The following CRPPA variants were observed in gnomAD, a reference collection of about 807,000 sequenced individuals.
The protein encoded by CRPPA is D-ribitol-5-phosphate cytidylyltransferase.
CRPPA carries 43 observed loss-of-function variants against 52.0 expected under a neutral mutation model. The ratio of observed to expected loss-of-function variants is 0.83; its 90% CI spans 0.65 to 1.07. The LOEUF (loss-of-function observed/expected upper bound fraction) is 1.07. Ranked by LOEUF, CRPPA falls within the 50% of genes least tolerant of loss-of-function variation. The pLI is 0.00. For missense variants in CRPPA, 629 were observed against 551.7 expected, an observed-to-expected ratio of 1.14 and a Z score of -1.40; for synonymous variants, 250 against 203.5, an observed-to-expected ratio of 1.23 and a Z score of -1.94.
At chr7:16,189,976 A>C (rs80010291) in intron 9 of CRPPA, among the ~76,000 whole-genome samples, 1,626 of 152,294 alleles carry the variant, frequency 0.011, 12 homozygotes, top group Middle Eastern at 0.031. Context: ...AAAAAATCCA[A>C]TATTAGATAA....
At chr7:16,369,134 G>C (rs1469030151) in intron 3 of CRPPA, among the ~76,000 whole-genome samples, 1 of 152,154 alleles carries the variant, frequency 6.6e-6, no homozygotes, top group Non-Finnish European at 1.5e-5. Flanking sequence ...GTAGAAGGAA[G>C]GGCTTTATTC....
At chr7:16,232,979 A>G (rs1583451992) in intron 8 of CRPPA, among the ~76,000 whole-genome samples, 1 of 152,162 alleles carries the variant, frequency 6.6e-6, no homozygotes, top group Non-Finnish European at 1.5e-5. Context: ...AAGACTGAAC[A>G]TATTAAGCAC....
chr7:16,170,683 G>A (rs140167125), intron 9 of CRPPA, among the ~76,000 whole-genome samples: 92 of 152,280 alleles, frequency 6.0e-4, no homozygotes, highest in Non-Finnish European at 9.0e-4. Context: ...GAGCAGGCTC[G>A]GAGCATGGGC....
chr7:16,253,288 T>G (rs946779475), intron 8 of CRPPA, among the ~76,000 whole-genome samples: 2 of 152,128 alleles, frequency 1.3e-5, no homozygotes, highest in African/African-American at 2.4e-5. Flanking sequence ...GTGTCCCAGA[T>G]ATTCTGGCAT....
chr7:16,099,126 G>T (rs1046559255), intron 9 of CRPPA, among the ~76,000 whole-genome samples: 13 of 151,892 alleles, frequency 8.6e-5, no homozygotes, highest in Non-Finnish European at 1.6e-4. Flanking sequence ...CATGGCTCAA[G>T]CCTGTAGTTC....
chr7:16,152,927 G>A lies in CRPPA; in HGVS notation c.1252-61128C>T, dbSNP rs145079255. 6.7e-3 allele frequency among the ~76,000 whole-genome samples: 1,011 copies of A among 151,988 alleles called. 13 individuals carry two copies. Among genetic ancestry groups the A allele is most frequent in the African/African-American group, 0.023 (968 of 41,502 alleles). On this transcript the variant is annotated intron_variant, in intron 9 of 9. Coordinates refer to ENST00000407010, the MANE Select transcript of CRPPA (RefSeq NM_001101426.4). ...ATGTACACTTCTTAGGGGGCTCAAT[G>A]TATTTTTCAGAAAGAAAGCCAATGT...
At chr7:16,301,777 C>A (rs1351982024) in intron 4 of CRPPA, among the ~76,000 whole-genome samples, 3 of 152,130 alleles carry the variant, frequency 2.0e-5, no homozygotes. Flanking sequence ...AACATGACTG[C>A]ATAAAAACGA....
intron 1 of CRPPA, among the ~76,000 whole-genome samples, chr7:16,407,318 T>G (rs1787978279): frequency 6.6e-6 from 1 of 152,130 alleles, no homozygotes; most frequent in African/African-American, 2.4e-5. Context: ...CATACTAGAC[T>G]GCAAGTAGTC....
intron 3 of CRPPA, among the ~76,000 whole-genome samples, chr7:16,312,754 C>A (rs545048772): frequency 2.6e-5 from 4 of 152,024 alleles, no homozygotes; most frequent in African/African-American, 9.6e-5. Context: ...CAAGAAAGAT[C>A]TCTATTTCTC....
At chr7:16,360,790 T>A (rs893943660) in intron 3 of CRPPA, among the ~76,000 whole-genome samples, 1 of 152,130 alleles carries the variant, frequency 6.6e-6, no homozygotes, top group Non-Finnish European at 1.5e-5. Flanking sequence ...GAAGACAACA[T>A]TGGGGCAAAA....
intron 3 of CRPPA, among the ~76,000 whole-genome samples, chr7:16,319,209 T>C (rs925449095): frequency 2.0e-5 from 3 of 152,200 alleles, no homozygotes; most frequent in African/African-American, 4.8e-5. Context: ...GTTTTCTGTA[T>C]GCTTATGACT....
chr7:16,248,214 C>T (rs1203355851), intron 8 of CRPPA: 2 of 152,150 alleles, frequency 1.3e-5, no homozygotes, highest in Non-Finnish European at 2.9e-5. Flanking sequence ...CGGCATACAC[C>T]TGTAGCCTCA....
intron 9 of CRPPA, among the ~76,000 whole-genome samples, chr7:16,191,442 A>C (rs1361364669): frequency 1.3e-5 from 2 of 152,158 alleles, no homozygotes; most frequent in Admixed American, 1.3e-4. Flanking sequence ...AGAGTAAAAT[A>C]GATTTGCAGA....
intron 9 of CRPPA, among the ~76,000 whole-genome samples, chr7:16,152,451 C>T (rs1783094545): frequency 6.6e-6 from 1 of 151,934 alleles, no homozygotes; most frequent in African/African-American, 2.4e-5. Context: ...TATATTGGGA[C>T]TTCTGTTGGA....
intron 3 of CRPPA, among the ~76,000 whole-genome samples, chr7:16,311,332 T>C (rs2189735): frequency 0.3 from 46,057 of 151,970 alleles, 7,223 homozygotes; most frequent in Admixed American, 0.36. Flanking sequence ...CTGTGTACTA[T>C]CTATACATAC....
At chr7:16,117,115 T>C (rs1424093761) in intron 9 of CRPPA, among the ~76,000 whole-genome samples, 2 of 152,374 alleles carry the variant, frequency 1.3e-5, no homozygotes, top group Middle Eastern at 3.4e-3. Context: ...CTTAAAAAGA[T>C]GTCAACTTGG....
intron 9 of CRPPA, among the ~76,000 whole-genome samples, chr7:16,106,283 A>G (rs1346644041): frequency 1.3e-5 from 2 of 152,168 alleles, no homozygotes; most frequent in African/African-American, 4.8e-5. Context: ...TCAACCACGC[A>G]TTTCTAAAGA....
At chr7:16,093,786 C>T (rs1027435994) in intron 9 of CRPPA, among the ~76,000 whole-genome samples, 1 of 152,102 alleles carries the variant, frequency 6.6e-6, no homozygotes, top group Admixed American at 6.6e-5. Flanking sequence ...CAAATACAAA[C>T]CAACTATTGA....
intron 3 of CRPPA, among the ~76,000 whole-genome samples, chr7:16,335,625 G>C (rs1363735844): frequency 1.3e-5 from 2 of 152,088 alleles, no homozygotes; most frequent in Non-Finnish European, 2.9e-5. Flanking sequence ...AGAAGGCCTA[G>C]GAGAATTACA....
Sources: gnomAD v4.1 joint callset for allele counts (sites outside exome capture counted in the v4.1 genomes callset) on GRCh38, gnomAD v4.1.1 for gene constraint, MANE v1.5 for transcripts, NCBI Gene and HGNC (gene_info 2026-07-23, HGNC 2026-07-21) for gene names.